DPYSL3: variants seen among roughly 807,000 people sequenced by gnomAD.
DPYSL3 encodes the protein dihydropyrimidinase-related protein 3.
Under a neutral mutation model 66.1 loss-of-function variants are expected in DPYSL3, and 16 were observed. That is an observed-to-expected ratio of 0.24 (90% confidence interval 0.16 to 0.37). The LOEUF is 0.37. DPYSL3 is among the 10% of genes least tolerant of loss of function. The probability of loss-of-function intolerance (pLI) is 1.00; values close to 1 mark genes in which losing one functional copy is unlikely to be tolerated. For synonymous variants in DPYSL3, 338 were observed against 345.1 expected (o/e 0.98, Z 0.23); for missense variants, 738 against 916.2 (o/e 0.81, Z 2.51).
intron 2 of DPYSL3, among the ~76,000 whole-genome samples, chr5:147,421,947 G>A (rs182028049): frequency 1.1e-3 from 169 of 152,234 alleles, no homozygotes; most frequent in Non-Finnish European, 2.0e-3. Context: ...GCATAGGCAT[G>A]GGCAAAGACT....
intron 1 of DPYSL3, among the ~76,000 whole-genome samples, chr5:147,501,613 G>T (rs534563838): frequency 5.3e-5 from 8 of 150,780 alleles, no homozygotes; most frequent in Admixed American, 1.3e-4. Context: ...CAAGTAATTG[G>T]AATTACAGGT....
At chr5:147,419,520 G>T (rs1055555051) in intron 2 of DPYSL3, among the ~76,000 whole-genome samples, 19 of 152,306 alleles carry the variant, frequency 1.2e-4, no homozygotes, top group Admixed American at 8.5e-4. Flanking sequence ...TCACATTTTT[G>T]ATTAAAATAG....
At position 147,394,059 on chromosome 5, in the gene DPYSL3, A is replaced by G. The variant is rs577467748; in HGVS notation, c.2031T>C (p.Arg677=). 5 of 1,614,070 alleles carry G rather than the reference A, an allele frequency of 3.1e-6. No individual in the cohort carries two copies. In the South Asian group the frequency reaches 5.5e-5, roughly 18 times the overall value. The change falls in exon 14 of 14, where the codon CGT becomes CGC. Residue 677 remains arginine, a synonymous_variant. Transcript: ENST00000343218. ...CTTAACTCAGAGATGTGATATTAGA[A>G]CGGCCGCCTGGGGGCGCCACGATGC... ...SKRIVAPPGG[R]SNITSLS
chr5:147,503,567 C>T (rs926357311), intron 1 of DPYSL3, among the ~76,000 whole-genome samples: 5 of 152,212 alleles, frequency 3.3e-5, no homozygotes, highest in Non-Finnish European at 5.9e-5. Flanking sequence ...GCTGGGATTA[C>T]AGGCATGAGC....
chr5:147,478,382 G>A (rs1391887411), intron 1 of DPYSL3, among the ~76,000 whole-genome samples: 1 of 152,168 alleles, frequency 6.6e-6, no homozygotes, highest in East Asian at 1.9e-4. Context: ...GAAAGAAGGA[G>A]ACAACTGATT....
chr5:147,453,496 G>T, intron 1 of DPYSL3: 1 of 1,506,094 alleles, frequency 6.6e-7, no homozygotes. Context: ...CGCCCGCAGC[G>T]CAGCGGACAG....
chr5:147,435,107 G>A (rs569875741), intron 1 of DPYSL3, among the ~76,000 whole-genome samples: 2 of 152,056 alleles, frequency 1.3e-5, no homozygotes, highest in African/African-American at 4.8e-5. Flanking sequence ...TAAGAAAGGT[G>A]GGGGGAAGAG....
At chr5:147,506,033 A>T (rs1753680675) in intron 1 of DPYSL3, among the ~76,000 whole-genome samples, 1 of 147,338 alleles carries the variant, frequency 6.8e-6, no homozygotes, top group Non-Finnish European at 1.5e-5. Context: ...CAATTTCCTT[A>T]TCGGTTATAA....
At chr5:147,492,551 T>G (rs908340573) in intron 1 of DPYSL3, among the ~76,000 whole-genome samples, 7 of 152,094 alleles carry the variant, frequency 4.6e-5, no homozygotes, top group African/African-American at 1.7e-4. Flanking sequence ...AGGAATATTA[T>G]CATTATAAAG....
intron 2 of DPYSL3, 84 bp downstream of exon 2, chr5:147,424,791 C>T: frequency 3.7e-6 from 4 of 1,076,224 alleles, no homozygotes; most frequent in Non-Finnish European, 5.4e-6. Flanking sequence ...TTTTTCACTA[C>T]ATTCATGTAA....
rs1384781144 is a variant in DPYSL3, at chr5:147,393,788, T to C, written c.*247A>G. The C allele has an allele frequency of 5.8e-6, 3 of 520,178 alleles. No individual in the cohort carries two copies. The highest frequency in any genetic ancestry group is 1.0e-5 in the Non-Finnish European group (3 of 288,042). The allele number at this position is 520,178 out of a possible 1,614,324, so 32.2% of individuals were successfully genotyped here. ...GACTCTTTTACCTTAGTGGCCTGTC[T>C]GATTGCATGCATGTAAATGGGGGGA... is the stretch of plus-strand genomic sequence containing the variant. On this transcript the variant is annotated 3_prime_UTR_variant, in exon 14 of 14. Coordinates refer to ENST00000343218, the MANE Select transcript of DPYSL3 (RefSeq NM_001197294.2).
intron 1 of DPYSL3, among the ~76,000 whole-genome samples, chr5:147,437,971 A>G (rs1056824011): frequency 3.9e-5 from 6 of 152,194 alleles, no homozygotes; most frequent in Non-Finnish European, 8.8e-5. Flanking sequence ...CCTGAAAAGT[A>G]ACTTGACTTT....
intron 1 of DPYSL3, among the ~76,000 whole-genome samples, chr5:147,425,258 T>C (rs1033909069): frequency 6.6e-6 from 1 of 152,230 alleles, no homozygotes; most frequent in Admixed American, 6.5e-5. Context: ...ATCCTTTATA[T>C]TATATTTTCT....
At chr5:147,453,527 G>C in intron 1 of DPYSL3, 1 of 1,525,334 alleles carries the variant, frequency 6.6e-7, no homozygotes, top group Non-Finnish European at 8.8e-7. Flanking sequence ...AGGAGGGAGG[G>C]AGCAGCGGCG....
At chr5:147,440,653 T>C (rs1554114573) in intron 1 of DPYSL3, among the ~76,000 whole-genome samples, 1 of 152,238 alleles carries the variant, frequency 6.6e-6, no homozygotes, top group Non-Finnish European at 1.5e-5. Context: ...AATTATGCTA[T>C]CTTTTTAAAT....
intron 1 of DPYSL3, among the ~76,000 whole-genome samples, chr5:147,505,080 A>G (rs1753666401): frequency 6.6e-6 from 1 of 152,222 alleles, no homozygotes; most frequent in African/African-American, 2.4e-5. Flanking sequence ...AGCCAACCAT[A>G]GAGGATTTTA....
chr5:147,415,766 T>C lies in DPYSL3; in HGVS notation c.763A>G (p.Ile255Val), dbSNP rs147541241. 7,995 of 1,614,098 alleles carry C rather than the reference T, an allele frequency of 5.0e-3. 21 individuals are homozygous for C. Among genetic ancestry groups the C allele is most frequent in the Non-Finnish European group, 6.0e-3 (7,046 of 1,179,992 alleles). ...SCCDYALHVD[I>V]THWNDSVKQE... ...TTGACGCTGTCATTCCAGTGGGTGA[T>C]GTCCACATGCAGGGCATAGTCACAG... The change falls in exon 4 of 14, where the codon ATC (isoleucine) becomes GTC (valine). Residue 255 changes from isoleucine to valine, a missense_variant. Physicochemically the swap from Ile to Val is conservative, Grantham distance 29. Coordinates refer to ENST00000343218, the MANE Select transcript of DPYSL3 (RefSeq NM_001197294.2).
At chr5:147,432,013 GT>G (rs1344476317) in intron 1 of DPYSL3, among the ~76,000 whole-genome samples, 1 of 152,164 alleles carries the variant, frequency 6.6e-6, no homozygotes, top group Non-Finnish European at 1.5e-5. Context: ...GAGCAATGCA[GT>G]TTCTTGGCTC....
intron 1 of DPYSL3, among the ~76,000 whole-genome samples, chr5:147,477,328 T>C (rs1753168574): frequency 6.9e-6 from 1 of 144,768 alleles, no homozygotes; most frequent in African/African-American, 2.9e-5. Flanking sequence ...CAGATAGCCC[T>C]GGCTGAATGA....
Sources: allele counts gnomAD v4.1 joint callset (sites outside exome capture counted in the v4.1 genomes callset), GRCh38; gene constraint gnomAD v4.1.1; transcripts MANE v1.5; gene names NCBI Gene and HGNC (gene_info 2026-07-23, HGNC 2026-07-21).